SETD3: variants seen among roughly 807,000 people sequenced by gnomAD.
The protein encoded by SETD3 is actin-histidine N-methyltransferase.
In SETD3, 19 loss-of-function variants were observed where a neutral mutation model predicts 63.0. The ratio of observed to expected loss-of-function variants is 0.30; its 90% CI spans 0.21 to 0.44. The LOEUF is 0.44. SETD3 is among the 20% of genes least tolerant of loss of function. The pLI, the probability that SETD3 is intolerant of heterozygous loss-of-function variation, is 1.00. For missense variants in SETD3, 587 were observed against 728.5 expected, an observed-to-expected ratio of 0.81 and a Z score of 2.24; for synonymous variants, 286 against 264.1, an observed-to-expected ratio of 1.08 and a Z score of -0.80.
At chr14:99,478,745 C>G (rs553781413) in intron 1 of SETD3, 1 of 152,268 alleles carries the variant, frequency 6.6e-6, no homozygotes, top group East Asian at 1.9e-4. Flanking sequence ...ATACCTTCCC[C>G]GGCGCCGTCA....
At chr14:99,410,750 C>T (rs1443241760) in intron 8 of SETD3, among the ~76,000 whole-genome samples, 2 of 152,190 alleles carry the variant, frequency 1.3e-5, no homozygotes, top group Non-Finnish European at 2.9e-5. Context: ...CAGCCCCTTA[C>T]TTTCTTTAGC....
At chr14:99,403,453 A>ACTCTCTTTCTCT (rs1188702914) in intron 11 of SETD3, among the ~76,000 whole-genome samples, 1 of 106,120 alleles carries the variant, frequency 9.4e-6, no homozygotes, top group African/African-American at 3.7e-5. Context: ...ACACACACAC[A>ACTCTCTTTCTCT]CACTCTCTCT....
intron 6 of SETD3, among the ~76,000 whole-genome samples, chr14:99,418,695 T>C (rs1892409518): frequency 6.6e-6 from 1 of 152,054 alleles, no homozygotes; most frequent in South Asian, 2.1e-4. Context: ...CCTATAGGCC[T>C]ATAGAGACCC....
At chr14:99,406,646 T>C in intron 8 of SETD3, 56 bp from the exon 9 acceptor site, 1 of 1,515,362 alleles carries the variant, frequency 6.6e-7, no homozygotes, top group Non-Finnish European at 9.2e-7. Context: ...CACATCTCAC[T>C]TAATCTACAA....
intron 6 of SETD3, among the ~76,000 whole-genome samples, chr14:99,450,821 A>G (rs72704572): frequency 1.6e-3 from 249 of 152,334 alleles, no homozygotes; most frequent in Non-Finnish European, 2.8e-3. Context: ...AATAAATTTA[A>G]TAGATATGTC....
intron 6 of SETD3, among the ~76,000 whole-genome samples, chr14:99,414,877 G>T (rs955665085): frequency 6.6e-6 from 1 of 152,204 alleles, no homozygotes; most frequent in Non-Finnish European, 1.5e-5. Flanking sequence ...CACTTTTAAT[G>T]CAGGAAGCTC....
intron 6 of SETD3, among the ~76,000 whole-genome samples, chr14:99,432,099 A>G (rs184383591): frequency 4.5e-4 from 69 of 152,294 alleles, no homozygotes; most frequent in African/African-American, 1.6e-3. Context: ...TACTTTACTA[A>G]GATTCGTATA....
chr14:99,428,504 G>C (rs1005387118), intron 6 of SETD3, among the ~76,000 whole-genome samples: 3 of 152,094 alleles, frequency 2.0e-5, no homozygotes, highest in African/African-American at 7.2e-5. Context: ...ACATTAGCTA[G>C]GTGTGGTGGC....
At chr14:99,470,890 C>G (rs781519039) in intron 1 of SETD3, among the ~76,000 whole-genome samples, 12 of 152,222 alleles carry the variant, frequency 7.9e-5, no homozygotes, top group Non-Finnish European at 1.5e-4. Context: ...GGTTTGCCAG[C>G]TCCCCACATC....
intron 1 of SETD3, among the ~76,000 whole-genome samples, chr14:99,473,491 AT>A (rs1334122947): frequency 2.6e-5 from 4 of 152,306 alleles, no homozygotes; most frequent in African/African-American, 9.6e-5. Flanking sequence ...TAGAATAAAC[AT>A]TTTTGATTAC....
At chr14:99,442,878 CA>C (rs1407228013) in intron 6 of SETD3, among the ~76,000 whole-genome samples, 1 of 152,144 alleles carries the variant, frequency 6.6e-6, no homozygotes, top group African/African-American at 2.4e-5. Context: ...TACTGACTGC[CA>C]GGTAAGAGGG....
At chr14:99,445,175 T>C (rs1894063867) in intron 6 of SETD3, among the ~76,000 whole-genome samples, 1 of 152,162 alleles carries the variant, frequency 6.6e-6, no homozygotes, top group South Asian at 2.1e-4. Context: ...GCTCTCAAAT[T>C]CGAAGAAATC....
At chr14:99,457,328 T>C (rs766113143) in intron 6 of SETD3, among the ~76,000 whole-genome samples, 1 of 152,262 alleles carries the variant, frequency 6.6e-6, no homozygotes, top group Non-Finnish European at 1.5e-5. Context: ...ATATTTGAAG[T>C]GCTTGCTGGA....
At chr14:99,405,638 G>C (rs1891641856) in intron 9 of SETD3, among the ~76,000 whole-genome samples, 1 of 152,052 alleles carries the variant, frequency 6.6e-6, no homozygotes, top group African/African-American at 2.4e-5. Context: ...GGCCTTACTA[G>C]TACTCAAAGG....
intron 10 of SETD3, among the ~76,000 whole-genome samples, chr14:99,405,003 G>A (rs1595144817): frequency 6.6e-6 from 1 of 152,152 alleles, no homozygotes; most frequent in East Asian, 1.9e-4. Flanking sequence ...CTGTGAATGC[G>A]CCCAACGACA....
At position 99,398,702 on chromosome 14, in the gene SETD3, T is replaced by C; in HGVS notation, c.1762A>G (p.Ser588Gly). 1.9e-6 allele frequency: 3 copies of C among 1,614,104 alleles called. No individual in the cohort carries two copies. The highest frequency in any genetic ancestry group is 1.1e-5 in the South Asian group (1 of 91,090). Residue 588 changes from serine to glycine, a missense_variant, in exon 13 of 13, where the codon AGC becomes GGC. Transcript: ENST00000331768. ...VEDAKGSSSD[S>G]TAGVKE ...AGCTACTCCTTAACTCCAGCAGTGC[T>C]GTCTGAAGAAGATCCTTTGGCGTCT...
chr14:99,438,825 C>T (rs140882538), intron 6 of SETD3, among the ~76,000 whole-genome samples: 177 of 152,342 alleles, frequency 1.2e-3, no homozygotes, highest in African/African-American at 3.9e-3. Flanking sequence ...TCCCTCTCAC[C>T]GTGAACAGGC....
rs908978083 is a variant in SETD3 at position 99,448,804 on chromosome 14, A to C, written c.675+9475T>G. On this transcript the variant is annotated intron_variant, in intron 6 of 12. Transcript: ENST00000331768. Reference sequence around the variant, plus strand: ...TTGCTTCTAGGGAAACATTTAAGTGAAACTGAGGTCAGGAAAATGGCACAC... The same window carrying C: ...TTGCTTCTAGGGAAACATTTAAGTGCAACTGAGGTCAGGAAAATGGCACAC... Among the ~76,000 whole-genome samples, 41 of 152,362 alleles carry C rather than the reference A, an allele frequency of 2.7e-4. 1 individual carries two copies. Among genetic ancestry groups the C allele is most frequent in the African/African-American group, 9.1e-4 (38 of 41,582 alleles).
chr14:99,407,543 C>T (rs550931110), intron 8 of SETD3, among the ~76,000 whole-genome samples: 1 of 152,294 alleles, frequency 6.6e-6, no homozygotes, highest in South Asian at 2.1e-4. Context: ...TCAAAATCTT[C>T]CTATGATTCC....
Sources: allele counts gnomAD v4.1 joint callset (sites outside exome capture counted in the v4.1 genomes callset), GRCh38; gene constraint gnomAD v4.1.1; transcripts MANE v1.5; gene names NCBI Gene and HGNC (gene_info 2026-07-23, HGNC 2026-07-21).